Variants in ELMO2 observed in about 807,000 individuals in gnomAD.
ELMO2 encodes engulfment and cell motility protein 2.
A neutral mutation model predicts 96.2 loss-of-function variants in ELMO2; 37 were observed. The observed-to-expected ratio is 0.38, with a 90% confidence interval of 0.30 to 0.51. The LOEUF (loss-of-function observed/expected upper bound fraction) is 0.51. Ranked by LOEUF, ELMO2 falls within the 20% of genes least tolerant of loss-of-function variation. The pLI, the probability that ELMO2 is intolerant of heterozygous loss-of-function variation, is 0.88. For missense variants in ELMO2, 561 were observed against 912.6 expected, an observed-to-expected ratio of 0.61 and a Z score of 4.96; for synonymous variants, 315 against 329.4, an observed-to-expected ratio of 0.96 and a Z score of 0.47.
intron 2 of ELMO2, 119 bp downstream of exon 2, chr20:46,398,578 G>T (rs994402067): frequency 6.6e-6 from 1 of 152,286 alleles, no homozygotes; most frequent in African/African-American, 2.4e-5. Flanking sequence ...CTCTCAAAGT[G>T]CTGGGATTAC....
In ELMO2 at chr20:46,386,135, T is replaced by C; in HGVS notation, c.666A>G (p.Ser222=). 1 of 1,613,808 alleles carries C rather than the reference T, an allele frequency of 6.2e-7. No individual in the cohort carries two copies. Among genetic ancestry groups the C allele is most frequent in the Non-Finnish European group, 8.5e-7 (1 of 1,179,844 alleles). ...GGTTTTTTACTCACACCTGGAGGTG[T>C]GAGATGAGCTGTCCCACGGTGATTT... is the stretch of plus-strand genomic sequence containing the variant. The part of the protein sequence containing the change: ...AEEITVGQLI[S]HLQVSNQEIQ... The change falls in exon 9 of 22, where the codon TCA becomes TCG. Residue 222 remains serine, a synonymous_variant. Coordinates refer to ENST00000290246, the MANE Select transcript of ELMO2 (RefSeq NM_133171.5).
intron 1 of ELMO2, 66 bp downstream of exon 1, chr20:46,406,482 G>C (rs1186989473): frequency 6.5e-6 from 1 of 152,916 alleles, no homozygotes; most frequent in Non-Finnish European, 1.5e-5. Context: ...TCTTCCCTGC[G>C]TCTTTCGGGC....
intron 1 of ELMO2, among the ~76,000 whole-genome samples, 191 bp downstream of exon 1, chr20:46,406,357 G>A (rs1404694238): frequency 2.0e-5 from 3 of 152,032 alleles, no homozygotes; most frequent in Non-Finnish European, 4.4e-5. Flanking sequence ...CTAAGGCCCC[G>A]GCAGGGCCGC....
At chr20:46,401,915 T>C (rs1378085619) in intron 1 of ELMO2, among the ~76,000 whole-genome samples, 1 of 152,194 alleles carries the variant, frequency 6.6e-6, no homozygotes, top group Non-Finnish European at 1.5e-5. Flanking sequence ...CCTACTGATT[T>C]ATAATTCTCT....
chr20:46,372,504 G>A (rs1165734758), intron 16 of ELMO2, among the ~76,000 whole-genome samples: 6 of 152,130 alleles, frequency 3.9e-5, no homozygotes, highest in Non-Finnish European at 5.9e-5. Flanking sequence ...GGTGGCTCAC[G>A]CCTGTAGTCC....
intron 2 of ELMO2, 51 bp from the exon 3 acceptor site, chr20:46,394,583 A>T: frequency 2.6e-5 from 35 of 1,340,782 alleles, no homozygotes; most frequent in Non-Finnish European, 3.5e-5. Flanking sequence ...TTCATTTTTC[A>T]CTCTTGTTAC....
chr20:46,377,365 TG>T (rs1420788288), intron 11 of ELMO2, among the ~76,000 whole-genome samples: 8 of 152,244 alleles, frequency 5.3e-5, no homozygotes, highest in African/African-American at 1.9e-4. Context: ...TCCTTTTTCA[TG>T]CTGCTACTAA....
At chr20:46,384,052 G>GT (rs1031410954) in intron 9 of ELMO2, among the ~76,000 whole-genome samples, 3 of 152,028 alleles carry the variant, frequency 2.0e-5, no homozygotes, top group Admixed American at 2.0e-4. Flanking sequence ...TGTTCAAGGT[G>GT]TATTATTCAG....
In ELMO2 at chr20:46,371,400, C is replaced by G. The variant is rs756717915; in HGVS notation, c.1753G>C (p.Asp585His). The G allele has an allele frequency of 8.1e-6, 13 of 1,614,256 alleles. No homozygotes were observed. Among genetic ancestry groups the G allele is most frequent in the Non-Finnish European group, 1.1e-5 (13 of 1,180,050 alleles). ...GTCACCTCCCCTTGTGGGTTGTCAT[C>G]CAAGTCACCATAGTGAAGGACCTTG... is the stretch of plus-strand genomic sequence containing the variant. ...NHKVLHYGDL[D>H]DNPQGEVTFE... The change falls in exon 19 of 22, where the codon GAT (aspartate) becomes CAT (histidine). Residue 585 changes from aspartate to histidine, a missense_variant. Physicochemically the swap from Asp to His is moderately conservative, Grantham distance 81. Transcript: ENST00000290246. This position sits in a 1 kb window ranked among gnomAD's most constrained non-coding sequence, Gnocchi z 5.9.
intron 9 of ELMO2, 46 bp downstream of exon 9, chr20:46,386,078 G>A (rs1162930394): frequency 8.8e-6 from 14 of 1,586,200 alleles, no homozygotes; most frequent in African/African-American, 2.7e-5. Context: ...GAGGAGAAAA[G>A]AGGACAGACA....
At chr20:46,369,961 G>GGGGT (rs1491178839) in intron 20 of ELMO2, 4 of 49,542 alleles carry the variant, frequency 8.1e-5, no homozygotes, top group African/African-American at 2.3e-4. Context: ...TGGGTATGGG[G>GGGGT]GTGTGTGTGT....
chr20:46,376,986 T>C, intron 11 of ELMO2: 1 of 372,338 alleles, frequency 2.7e-6, no homozygotes. Flanking sequence ...TACGGAACAC[T>C]TCCATTAACA....
At chr20:46,379,536 C>A (rs2059919786) in intron 11 of ELMO2, among the ~76,000 whole-genome samples, 1 of 152,178 alleles carries the variant, frequency 6.6e-6, no homozygotes, top group Non-Finnish European at 1.5e-5. Flanking sequence ...TAAATGCCCT[C>A]AGCTGTCCTT....
intron 2 of ELMO2, among the ~76,000 whole-genome samples, chr20:46,396,895 T>C (rs887561551): frequency 7.9e-5 from 12 of 152,186 alleles, no homozygotes; most frequent in African/African-American, 2.4e-4. Context: ...TAAAAGTCCA[T>C]GATTCTTAAG....
intron 6 of ELMO2, 78 bp from the exon 7 acceptor site, chr20:46,389,298 C>T: frequency 2.1e-6 from 3 of 1,447,610 alleles, no homozygotes; most frequent in Non-Finnish European, 2.8e-6. Context: ...CACAGAGGCC[C>T]TTCTGTGGAC....
chr20:46,369,025 A>T lies in ELMO2; in HGVS notation c.1885-57T>A, dbSNP rs952751502. 1.9e-6 allele frequency: 3 copies of T among 1,539,462 alleles called. No individual in the cohort carries two copies. In the African/African-American group the frequency reaches 4.1e-5, roughly 21 times the overall value. ...GGAACAGCCTGGGGTCTGCACATCA[A>T]GATCTTGGCCAAAGTCCTAGTGACT... On this transcript the variant is annotated intron_variant, in intron 20 of 21. Transcript: ENST00000290246.
At chr20:46,402,089 G>C in intron 1 of ELMO2, among the ~76,000 whole-genome samples, 1 of 152,286 alleles carries the variant, frequency 6.6e-6, no homozygotes, top group East Asian at 1.9e-4. Context: ...GATCAGATAA[G>C]GTCCGAGAAA....
intron 19 of ELMO2, among the ~76,000 whole-genome samples, chr20:46,370,843 G>A (rs1390006632): frequency 6.6e-6 from 1 of 152,086 alleles, no homozygotes; most frequent in Non-Finnish European, 1.5e-5. Context: ...CAATAATGGC[G>A]ATGATGATGC....
intron 2 of ELMO2, among the ~76,000 whole-genome samples, chr20:46,397,394 G>A (rs2145850714): frequency 6.6e-6 from 1 of 152,332 alleles, no homozygotes; most frequent in East Asian, 1.9e-4. Flanking sequence ...GACTGGCTGG[G>A]CGTGGTGGCT....
Sources: allele counts gnomAD v4.1 joint callset (sites outside exome capture counted in the v4.1 genomes callset), GRCh38; gene constraint gnomAD v4.1.1; non-coding constraint Gnocchi (gnomAD v3.1); transcripts MANE v1.5; gene names NCBI Gene and HGNC (gene_info 2026-07-23, HGNC 2026-07-21).